The following KCNG2 variants were observed in gnomAD, a reference collection of about 807,000 sequenced individuals.
The protein encoded by KCNG2 is voltage-gated potassium channel regulatory subunit KCNG2.
KCNG2 carries 7 observed loss-of-function variants against 12.3 expected under a neutral mutation model. The observed-to-expected ratio is 0.57, with a 90% CI of 0.32 to 1.07. The LOEUF (loss-of-function observed/expected upper bound fraction) is 1.07. Ranked by LOEUF, KCNG2 falls within the 50% of genes least tolerant of loss-of-function variation. The probability of loss-of-function intolerance (pLI) is 0.04; values close to 1 mark genes in which losing one functional copy is unlikely to be tolerated. For missense variants in KCNG2, 703 were observed against 726.0 expected, an observed-to-expected ratio of 0.97 and a Z score of 0.36; for synonymous variants, 414 against 351.4, an observed-to-expected ratio of 1.18 and a Z score of -1.99.
At chr18:79,830,546 A>G (rs561473966) in intron 1 of KCNG2, among the ~76,000 whole-genome samples, 1 of 152,384 alleles carries the variant, frequency 6.6e-6, no homozygotes, top group African/African-American at 2.4e-5. Flanking sequence ...TGGGGAAAGA[A>G]GCAAAGGAAG....
At chr18:79,805,090 T>C (rs977353490) in intron 1 of KCNG2, among the ~76,000 whole-genome samples, 9 of 152,242 alleles carry the variant, frequency 5.9e-5, no homozygotes, top group Non-Finnish European at 4.4e-5. Flanking sequence ...GTAGGTTGTT[T>C]CCAGTTTGTT....
chr18:79,801,257 G>A (rs567944647), intron 1 of KCNG2, among the ~76,000 whole-genome samples: 32 of 152,384 alleles, frequency 2.1e-4, no homozygotes, highest in African/African-American at 6.5e-4. Context: ...TAAAAATAGC[G>A]CAGAAGACCT....
In KCNG2 at chr18:79,800,879, A is replaced by T. The variant is rs509573; in HGVS notation, c.-115+2865A>T. Among the ~76,000 whole-genome samples the T allele has an allele frequency of 0.5, 76,620 of 151,778 alleles. 19,546 individuals carry two copies. Among genetic ancestry groups the T allele is most frequent in the South Asian group, 0.66 (3,203 of 4,824 alleles). On this transcript the variant is annotated intron_variant, in intron 1 of 3. Coordinates refer to ENST00000316249, the MANE Select transcript of KCNG2 (RefSeq NM_012283.2). The surrounding 1 kb of genome is among the most constrained non-coding windows in gnomAD (Gnocchi z 4.0). ...ATGGGTCCCCGGCGGGGCCAGGAGA[A>T]CACCCAGACTCATGGAATTGCTAAC...
intron 1 of KCNG2, among the ~76,000 whole-genome samples, chr18:79,846,215 T>C (rs912025791): frequency 7.3e-6 from 1 of 137,326 alleles, no homozygotes; most frequent in African/African-American, 2.8e-5. Context: ...TACTAAAAAA[T>C]ACAAAAAATT....
intron 1 of KCNG2, among the ~76,000 whole-genome samples, chr18:79,836,585 A>G (rs1214522985): frequency 6.6e-6 from 1 of 152,196 alleles, no homozygotes; most frequent in African/African-American, 2.4e-5. Context: ...GTAATTTATG[A>G]AGAAAAAAGG....
intron 3 of KCNG2, among the ~76,000 whole-genome samples, chr18:79,888,915 A>G (rs1051548174): frequency 1.3e-5 from 2 of 151,980 alleles, no homozygotes; most frequent in Non-Finnish European, 2.9e-5. Flanking sequence ...CTGACCTCAA[A>G]TGATCTGCCC....
chr18:79,860,905 G>T lies in KCNG2; in HGVS notation c.-40-2723G>T, dbSNP rs114171737. ...GTCTTGTTCCTGGTCTTAGGGGAAA[G>T]AATCCAGTCTTTCACCGTTGACTAT... On this transcript the variant is annotated intron_variant, in intron 2 of 3. Coordinates refer to ENST00000316249, the MANE Select transcript of KCNG2 (RefSeq NM_012283.2). Among the ~76,000 whole-genome samples, 830 of 152,334 alleles carry T rather than the reference G, an allele frequency of 5.4e-3. 12 individuals are homozygous for T. Among genetic ancestry groups the T allele is most frequent in the African/African-American group, 0.019 (789 of 41,564 alleles).
At chr18:79,896,055 T>A (rs1276848461) in intron 3 of KCNG2, among the ~76,000 whole-genome samples, 1 of 152,198 alleles carries the variant, frequency 6.6e-6, no homozygotes, top group East Asian at 1.9e-4. Flanking sequence ...AGCCTCCACA[T>A]CCTGGGTTCA....
intron 3 of KCNG2, among the ~76,000 whole-genome samples, chr18:79,865,716 TGA>T (rs1373792654): frequency 1.6e-5 from 2 of 128,690 alleles, no homozygotes; most frequent in Non-Finnish European, 3.3e-5. Context: ...GCCTGGGTGC[TGA>T]GAGGTCTGTG....
At position 79,822,918 on chromosome 18, in the gene KCNG2, C is replaced by T. The variant is rs9959035; in HGVS notation, c.-115+24904C>T. On this transcript the variant is annotated intron_variant, in intron 1 of 3. Coordinates refer to ENST00000316249, the MANE Select transcript of KCNG2 (RefSeq NM_012283.2). The surrounding 1 kb of genome is among the most constrained non-coding windows in gnomAD (Gnocchi z 4.4). ...GGGCTTATCGTGGGCGTTGGTGTTG[C>T]GTGTGGGTGTGGCTCACTTGTGGCA... 5.9e-3 allele frequency among the ~76,000 whole-genome samples: 895 copies of T among 152,320 alleles called. 11 individuals are homozygous for T. The highest frequency in any genetic ancestry group is 0.02 in the African/African-American group (833 of 41,560).
chr18:79,874,554 A>C (rs1202809374), intron 3 of KCNG2, among the ~76,000 whole-genome samples: 1 of 152,266 alleles, frequency 6.6e-6, no homozygotes, highest in African/African-American at 2.4e-5. Flanking sequence ...GAGAACAAAG[A>C]GAAAAGTGCA....
chr18:79,899,392 T>C lies in KCNG2; in HGVS notation c.977T>C (p.Leu326Pro). The C allele has an allele frequency of 6.3e-7, 1 of 1,575,756 alleles. No individual in the cohort carries two copies. The highest frequency in any genetic ancestry group is 8.6e-7 in the Non-Finnish European group (1 of 1,166,102). Reference sequence around the variant, plus strand: ...TGCGCGCGCGAGTTCGGGCTGCTGCTGCTGTTCCTCTGCGTGGCCATGGCG... The same window carrying C: ...TGCGCGCGCGAGTTCGGGCTGCTGCCGCTGTTCCTCTGCGTGGCCATGGCG... The part of the protein sequence containing the change: ...RRCAREFGLL[L>P]LFLCVAMALF... Residue 326 changes from leucine to proline, a missense_variant, in exon 4 of 4, where the codon CTG (leucine) becomes CCG (proline). Physicochemically the swap from Leu to Pro is moderately conservative, Grantham distance 98. Coordinates refer to ENST00000316249, the MANE Select transcript of KCNG2 (RefSeq NM_012283.2).
rs558169778 is a variant in KCNG2 at position 79,899,336 on chromosome 18, G to A, written c.921G>A (p.Gly307=). 4.5e-6 allele frequency: 7 copies of A among 1,550,950 alleles called. No individual in the cohort carries two copies. The highest frequency in any genetic ancestry group is 2.4e-5 in the South Asian group (2 of 85,062). ...TGCGCCTGGCGCGCCACTCGCTGGGGCTGCGTTCGCTGGGCCTGACCATGC... is the reference window on the plus strand; with the variant it reads ...TGCGCCTGGCGCGCCACTCGCTGGGACTGCGTTCGCTGGGCCTGACCATGC... ...YVMRLARHSL[G]LRSLGLTMRR... The change falls in exon 4 of 4, where the codon GGG becomes GGA. Residue 307 remains glycine, a synonymous_variant. Coordinates refer to ENST00000316249, the MANE Select transcript of KCNG2 (RefSeq NM_012283.2).
At chr18:79,821,800 A>C (rs2087572484) in intron 1 of KCNG2, among the ~76,000 whole-genome samples, 1 of 152,230 alleles carries the variant, frequency 6.6e-6, no homozygotes, top group South Asian at 2.1e-4. Context: ...GTCTGTCCAC[A>C]GGCCAGGCCA....
chr18:79,827,839 C>T (rs1401226663), intron 1 of KCNG2, among the ~76,000 whole-genome samples: 1 of 152,060 alleles, frequency 6.6e-6, no homozygotes, highest in East Asian at 1.9e-4. Context: ...AACAATGTAC[C>T]AATTATAATC....
chr18:79,800,440 G>T lies in KCNG2; in HGVS notation c.-115+2426G>T, dbSNP rs959261600. The stretch of plus-strand genomic sequence containing the variant: ...GGTGCTGCCATCAGGTAGCCCAGCC[G>T]GTAGGCATGAGTCCAACGAGGGCGG... On this transcript the variant is annotated intron_variant, in intron 1 of 3. Transcript: ENST00000316249. The surrounding 1 kb of genome is among the most constrained non-coding windows in gnomAD (Gnocchi z 4.0). 1.3e-5 allele frequency among the ~76,000 whole-genome samples: 2 copies of T among 152,210 alleles called. No homozygotes were observed. Among genetic ancestry groups the T allele is most frequent in the Non-Finnish European group, 2.9e-5 (2 of 68,032 alleles).
intron 2 of KCNG2, among the ~76,000 whole-genome samples, chr18:79,862,256 CAGG>C (rs1167756472): frequency 1.3e-5 from 2 of 152,168 alleles, no homozygotes; most frequent in African/African-American, 4.8e-5. Flanking sequence ...CCCCTCTCCC[CAGG>C]AGTTTTTGTA....
At chr18:79,882,610 A>T (rs191349443) in intron 3 of KCNG2, among the ~76,000 whole-genome samples, 1 of 152,284 alleles carries the variant, frequency 6.6e-6, no homozygotes, top group Admixed American at 6.5e-5. Context: ...GAGTTAAGCC[A>T]CAGGAGCTGT....
chr18:79,882,713 G>GGCCATGGAGTGGCGAGGCT (rs565432388), intron 3 of KCNG2, among the ~76,000 whole-genome samples: 14 of 152,206 alleles, frequency 9.2e-5, no homozygotes, highest in South Asian at 6.2e-4. Flanking sequence ...AGGACCTGCA[G>GGCCATGGAGTGGCGAGGCT]GCCATGGAGT....
Sources: gnomAD v4.1 joint callset for allele counts (sites outside exome capture counted in the v4.1 genomes callset) on GRCh38, gnomAD v4.1.1 for gene constraint, Gnocchi (gnomAD v3.1) non-coding constraint, MANE v1.5 for transcripts, NCBI Gene and HGNC (gene_info 2026-07-23, HGNC 2026-07-21) for gene names.